WRN: variants seen among roughly 807,000 people sequenced by gnomAD.
The protein encoded by WRN is WRN RecQ like helicase.
Under a neutral mutation model 180.7 loss-of-function variants are expected in WRN, and 149 were observed. That is an observed-to-expected ratio of 0.82 (90% CI 0.72 to 0.94). The LOEUF (loss-of-function observed/expected upper bound fraction) is 0.94, where lower values mean the gene tolerates loss of function less well. Among genes scored for constraint, WRN ranks in the 40% least tolerant of loss-of-function variants. WRN has a pLI of 0.00. For missense variants in WRN, 1,661 were observed against 1,700.1 expected (o/e 0.98, Z 0.40); for synonymous variants, 548 against 568.9 (o/e 0.96, Z 0.52).
At chr8:31,102,141 G>A (rs1225362869) in intron 18 of WRN, among the ~76,000 whole-genome samples, 1 of 152,134 alleles carries the variant, frequency 6.6e-6, no homozygotes, top group Non-Finnish European at 1.5e-5. Context: ...GTACATTTGT[G>A]TAACTACCAC....
At chr8:31,092,209 G>C (rs1022684050) in intron 16 of WRN, among the ~76,000 whole-genome samples, 2 of 151,948 alleles carry the variant, frequency 1.3e-5, no homozygotes, top group Non-Finnish European at 1.5e-5. Flanking sequence ...GATTAGCATT[G>C]TACTCATAGA....
intron 23 of WRN, among the ~76,000 whole-genome samples, chr8:31,125,723 G>T (rs911634986): frequency 7.3e-5 from 11 of 150,080 alleles, no homozygotes; most frequent in African/African-American, 2.7e-4. Flanking sequence ...TTGCAGTCTT[G>T]AGGCAGAATT....
Position 31,090,088 on chromosome 8 carries a change from T to C in WRN, c.1653-377T>C, listed in dbSNP as rs1445281542. On this transcript the variant is annotated intron_variant, in intron 13 of 34. Coordinates refer to ENST00000298139, the MANE Select transcript of WRN (RefSeq NM_000553.6). ...TGCATACCCATGTAACCCAAATTCT[T>C]ATCAAGAGATATTATTATCATCACC... is the stretch of plus-strand genomic sequence containing the variant. Among the ~76,000 whole-genome samples the C allele has an allele frequency of 4.4e-4, 67 of 151,804 alleles. 1 individual carries two copies. The highest frequency in any genetic ancestry group is 5.9e-5 in the Non-Finnish European group (4 of 67,814).
At position 31,090,933 on chromosome 8, in the gene WRN, T is replaced by C. The variant is rs1383495146; in HGVS notation, c.1820T>C (p.Leu607Pro). The change falls in exon 15 of 35, where the codon CTA becomes CCA. Residue 607 changes from leucine (L) to proline (P), a missense_variant. Coordinates refer to ENST00000298139, the MANE Select transcript of WRN (RefSeq NM_000553.6). ...PLISLMEDQV[L>P]QLKMSNIPAC... ...ATTTCTCTGATGGAAGACCAAGTGCTACAGCTTAAGTAAGTCATGTTATCA... is the reference window on the plus strand; with the variant it reads ...ATTTCTCTGATGGAAGACCAAGTGCCACAGCTTAAGTAAGTCATGTTATCA... The C allele has an allele frequency of 3.7e-6, 6 of 1,611,736 alleles. No homozygotes were observed. The highest frequency in any genetic ancestry group is 2.7e-5 in the African/African-American group (2 of 74,850).
chr8:31,040,033 G>C (rs1399674558), intron 1 of WRN, among the ~76,000 whole-genome samples: 1 of 152,254 alleles, frequency 6.6e-6, no homozygotes, highest in East Asian at 1.9e-4. Context: ...CAGCGGAAGT[G>C]GTGAGAGGAG....
chr8:31,117,354 A>G (rs1224405944), intron 20 of WRN, among the ~76,000 whole-genome samples: 2 of 152,178 alleles, frequency 1.3e-5, no homozygotes, highest in African/African-American at 4.8e-5. Flanking sequence ...TTTAAATAAG[A>G]TAATAGGATT....
At chr8:31,047,679 C>T (rs1025489654) in intron 1 of WRN, among the ~76,000 whole-genome samples, 57 of 152,064 alleles carry the variant, frequency 3.7e-4, no homozygotes, top group Admixed American at 2.9e-3. Flanking sequence ...TCAGGCCATA[C>T]GAAGTAACAG....
chr8:31,081,390 T>A (rs1813306511), intron 9 of WRN, 94 bp downstream of exon 9: 1 of 1,347,160 alleles, frequency 7.4e-7, no homozygotes, highest in Admixed American at 2.1e-5. Flanking sequence ...TTTTAGGCTT[T>A]GTGGGACATA....
At chr8:31,053,177 C>T (rs1812142129) in intron 1 of WRN, among the ~76,000 whole-genome samples, 4 of 152,086 alleles carry the variant, frequency 2.6e-5, no homozygotes, top group African/African-American at 9.7e-5. Flanking sequence ...GTCCCCAGAC[C>T]AACTGGGGAT....
chr8:31,063,030 C>G (rs1240157702), intron 3 of WRN, among the ~76,000 whole-genome samples: 1 of 151,902 alleles, frequency 6.6e-6, no homozygotes, highest in Non-Finnish European at 1.5e-5. Flanking sequence ...GACAGGGTCT[C>G]ACTATGTTGC....
chr8:31,059,170 T>C lies in WRN; in HGVS notation c.114T>C (p.Ser38=), dbSNP rs201800431. The C allele has an allele frequency of 5.0e-6, 8 of 1,613,698 alleles. No individual in the cohort carries two copies. The African/African-American group carries it at 8.0e-5, about 16-fold the overall frequency. The stretch of plus-strand genomic sequence containing the variant: ...AACTCAAGGCATGTGTTCGGAAGAG[T>C]GTTTTTGAAGATGACCTCCCCTTCT... ...VEERKACVRK[S]VFEDDLPFLE... The change falls in exon 3 of 35, where the codon AGT becomes AGC. Residue 38 remains serine (S), a synonymous_variant. Transcript: ENST00000298139.
intron 18 of WRN, among the ~76,000 whole-genome samples, chr8:31,111,380 T>A (rs570898164): frequency 7.9e-5 from 12 of 152,240 alleles, no homozygotes; most frequent in Non-Finnish European, 1.5e-4. Context: ...GGAAACCTCA[T>A]GGATTTAATG....
In WRN at chr8:31,158,920, T is replaced by C. The variant is rs958077302; in HGVS notation, c.3982+1390T>C. On this transcript the variant is annotated intron_variant, in intron 33 of 34. Transcript: ENST00000298139. ...AAATAAATAACCTATTTATAAGTTATGTCAATGTCATGTTTGAAATAGAAA... is the reference window on the plus strand; with the variant it reads ...AAATAAATAACCTATTTATAAGTTACGTCAATGTCATGTTTGAAATAGAAA... 5.3e-5 allele frequency among the ~76,000 whole-genome samples: 8 copies of C among 152,118 alleles called. 1 individual carries two copies. In the South Asian group the frequency reaches 1.5e-3, roughly 28 times the overall value.
intron 13 of WRN, 30 bp from the exon 14 acceptor site, chr8:31,090,430 TAAAAC>T: frequency 6.3e-7 from 1 of 1,593,990 alleles, no homozygotes; most frequent in Non-Finnish European, 8.6e-7. Flanking sequence ...TTCTTATTAA[TAAAAC>T]AAAATAGCTT....
At position 31,141,736 on chromosome 8, in the gene WRN, C is replaced by T. The variant is rs775053146; in HGVS notation, c.3194C>T (p.Ala1065Val). Residue 1065 changes from alanine (A) to valine (V), a missense_variant, in exon 26 of 35, where the codon GCT becomes GTT. Physicochemically the swap from Ala to Val is moderately conservative, Grantham distance 64. Around this residue, in one of 3 missense-constraint regions of WRN, gnomAD observed 1,141 missense variants for 1,149.4 expected, o/e 0.99. Transcript: ENST00000298139. ...GAATCTCAGAGCCTCATCCTTCAAGCTAATGAAGAATTGTGTCCAAAGAAG... is the reference window on the plus strand; with the variant it reads ...GAATCTCAGAGCCTCATCCTTCAAGTTAATGAAGAATTGTGTCCAAAGAAG... Reference protein sequence around the residue: ...NTESQSLILQANEELCPKKLL... With the variant: ...NTESQSLILQVNEELCPKKLL... 1 of 1,614,108 alleles carries T rather than the reference C, an allele frequency of 6.2e-7. No homozygotes were observed. Among genetic ancestry groups the T allele is most frequent in the East Asian group, 2.2e-5 (1 of 44,866 alleles).
At chr8:31,072,088 G>C (rs766810459) in intron 7 of WRN, among the ~76,000 whole-genome samples, 1 of 152,190 alleles carries the variant, frequency 6.6e-6, no homozygotes, top group Non-Finnish European at 1.5e-5. Context: ...TTGGGACTGA[G>C]AATCCCGAGG....
At chr8:31,065,109 G>T (rs766719447) in intron 5 of WRN, 46 bp downstream of exon 5, 118 of 1,581,110 alleles carry the variant, frequency 7.5e-5, no homozygotes, top group Non-Finnish European at 9.3e-5. Flanking sequence ...ATTATTTTGT[G>T]TTACACAGAA....
chr8:31,114,935 G>A (rs1585476329), intron 19 of WRN, among the ~76,000 whole-genome samples: 1 of 142,292 alleles, frequency 7.0e-6, no homozygotes, highest in Non-Finnish European at 1.5e-5. Flanking sequence ...TTGCTCTGTC[G>A]CCCAGGCTGT....
chr8:31,103,680 A>G (rs1485567570), intron 18 of WRN, among the ~76,000 whole-genome samples: 3 of 152,128 alleles, frequency 2.0e-5, no homozygotes, highest in African/African-American at 4.8e-5. Context: ...TTTGACTATT[A>G]TGAATAAAGA....
Sources: gnomAD v4.1 joint callset for allele counts (sites outside exome capture counted in the v4.1 genomes callset) on GRCh38, gnomAD v4.1.1 for gene constraint, gnomAD v4.1.1 regional missense constraint, MANE v1.5 for transcripts, NCBI Gene and HGNC (gene_info 2026-07-23, HGNC 2026-07-21) for gene names.